Variants in NCAM2 observed in about 807,000 individuals in gnomAD.
NCAM2 encodes N-CAM-2.
A neutral mutation model predicts 98.1 loss-of-function variants in NCAM2; 30 were observed. The ratio of observed to expected loss-of-function variants is 0.31; its 90% CI spans 0.23 to 0.41. The LOEUF is 0.41. NCAM2 is among the 10% of genes least tolerant of loss of function. The pLI is 1.00. For synonymous variants in NCAM2, 368 were observed against 342.4 expected (o/e 1.07, Z -0.83); for missense variants, 867 against 1,005.8 (o/e 0.86, Z 1.87).
At chr21:21,535,663 A>G (rs775872588) in intron 17 of NCAM2, among the ~76,000 whole-genome samples, 1 of 152,136 alleles carries the variant, frequency 6.6e-6, no homozygotes, top group Non-Finnish European at 1.5e-5. Context: ...GATTATTACA[A>G]TGTAAATTCA....
At chr21:21,081,820 G>GA (rs1160756706) in intron 1 of NCAM2, among the ~76,000 whole-genome samples, 7 of 150,980 alleles carry the variant, frequency 4.6e-5, no homozygotes, top group African/African-American at 1.2e-4. Context: ...GAAAAAAAAA[G>GA]AAAAAAAAAT....
chr21:21,270,808 A>G (rs2072468801), intron 1 of NCAM2, among the ~76,000 whole-genome samples: 1 of 150,440 alleles, frequency 6.6e-6, no homozygotes. Flanking sequence ...AACCTATTTG[A>G]TTTTTTTTTC....
In NCAM2 at chr21:21,383,773, G is replaced by A. The variant is rs370320710; in HGVS notation, c.1195+9760G>A. Among the ~76,000 whole-genome samples the A allele has an allele frequency of 1.5e-3, 226 of 151,854 alleles. 2 individuals are homozygous for A. The highest frequency in any genetic ancestry group is 4.8e-3 in the African/African-American group (199 of 41,476). On this transcript the variant is annotated intron_variant, in intron 9 of 17. Transcript: ENST00000400546. ...CTAGTGTCTGGAACCAATAACCTAC[G>A]TGTTTTAGTTTCAGTTTTCAGCAGT...
chr21:21,409,921 CAGG>C (rs764655019), intron 9 of NCAM2, among the ~76,000 whole-genome samples: 69 of 152,144 alleles, frequency 4.5e-4, no homozygotes, highest in Non-Finnish European at 9.0e-4. Context: ...ATCACGAGGT[CAGG>C]AGATCGAGAC....
chr21:21,417,851 A>C (rs1801307155), intron 10 of NCAM2, among the ~76,000 whole-genome samples: 1 of 152,066 alleles, frequency 6.6e-6, no homozygotes, highest in Admixed American at 6.5e-5. Context: ...TGTTGCAAAG[A>C]GTAACATTTT....
At chr21:21,492,523 A>G (rs147892959) in intron 15 of NCAM2, among the ~76,000 whole-genome samples, 19 of 152,064 alleles carry the variant, frequency 1.2e-4, no homozygotes, top group East Asian at 7.7e-4. Flanking sequence ...TTAAATGAAT[A>G]TCAAATTAAA....
intron 1 of NCAM2, among the ~76,000 whole-genome samples, chr21:21,189,922 G>C (rs1030656648): frequency 6.6e-6 from 1 of 152,178 alleles, no homozygotes; most frequent in Non-Finnish European, 1.5e-5. Context: ...CCGTCAAGTG[G>C]TGTCTGCCTA....
At chr21:21,158,564 C>T (rs987379900) in intron 1 of NCAM2, among the ~76,000 whole-genome samples, 2 of 151,246 alleles carry the variant, frequency 1.3e-5, no homozygotes, top group African/African-American at 4.9e-5. Flanking sequence ...GAGATCGCAC[C>T]ACTGCTTTCC....
intron 1 of NCAM2, among the ~76,000 whole-genome samples, chr21:21,181,284 T>C (rs1249910540): frequency 6.6e-6 from 1 of 152,156 alleles, no homozygotes. Flanking sequence ...ATATATTTAA[T>C]AGTTTCCTCT....
chr21:21,339,811 T>G (rs2147881201), intron 8 of NCAM2, among the ~76,000 whole-genome samples: 1 of 152,056 alleles, frequency 6.6e-6, no homozygotes, highest in African/African-American at 2.4e-5. Flanking sequence ...ATTACTTTCC[T>G]TTTGAAAGAC....
chr21:21,275,727 T>C (rs2072704921), intron 1 of NCAM2, among the ~76,000 whole-genome samples: 1 of 152,160 alleles, frequency 6.6e-6, no homozygotes, highest in African/African-American at 2.4e-5. Context: ...TTACATCTAT[T>C]CTCTACCTTT....
intron 1 of NCAM2, among the ~76,000 whole-genome samples, chr21:21,195,739 G>T (rs1034993316): frequency 6.6e-6 from 1 of 152,162 alleles, no homozygotes; most frequent in Non-Finnish European, 1.5e-5. Context: ...TTGACAGCAT[G>T]TGCGATACTC....
chr21:21,066,639 A>T (rs1162807454), intron 1 of NCAM2, among the ~76,000 whole-genome samples: 3 of 152,120 alleles, frequency 2.0e-5, no homozygotes, highest in Non-Finnish European at 4.4e-5. Context: ...TTTTCCAATG[A>T]TGTATTTTAG....
At chr21:21,171,566 T>G (rs1601559287) in intron 1 of NCAM2, among the ~76,000 whole-genome samples, 3 of 152,200 alleles carry the variant, frequency 2.0e-5, no homozygotes, top group African/African-American at 7.2e-5. Flanking sequence ...GTTCCCACTT[T>G]GCTGTGTTGT....
At chr21:21,007,585 G>C (rs2064134885) in intron 1 of NCAM2, among the ~76,000 whole-genome samples, 1 of 152,106 alleles carries the variant, frequency 6.6e-6, no homozygotes, top group Non-Finnish European at 1.5e-5. Flanking sequence ...CTTTTTAGAT[G>C]ATATAAGGTA....
chr21:21,472,303 A>T (rs1482482215), intron 14 of NCAM2, among the ~76,000 whole-genome samples: 1 of 152,054 alleles, frequency 6.6e-6, no homozygotes, highest in East Asian at 1.9e-4. Flanking sequence ...ACGAGGTTGT[A>T]CACTATCTCA....
At chr21:20,998,895 T>TC (rs1248497087) in intron 1 of NCAM2, among the ~76,000 whole-genome samples, 1 of 152,114 alleles carries the variant, frequency 6.6e-6, no homozygotes, top group African/African-American at 2.4e-5. Flanking sequence ...TCTTTTTTTT[T>TC]CCTCTGGGAT....
In NCAM2 at chr21:21,493,943, A is replaced by G. The variant is rs144777669; in HGVS notation, c.2078-14908A>G. On this transcript the variant is annotated intron_variant, in intron 15 of 17. Transcript: ENST00000400546. ...GCATTATATAATAATAGACGTTTAT[A>G]AACCCTACATGCTTAAAATATGTAG... Among the ~76,000 whole-genome samples the G allele has an allele frequency of 1.8e-4, 28 of 152,120 alleles. No individual in the cohort carries two copies. In the East Asian group the frequency reaches 5.2e-3, roughly 28 times the overall value.
chr21:21,060,399 C>T (rs1296093206), intron 1 of NCAM2, among the ~76,000 whole-genome samples: 1 of 152,016 alleles, frequency 6.6e-6, no homozygotes, highest in Non-Finnish European at 1.5e-5. Context: ...CTTCCAGATT[C>T]TGGTAGATAT....
Sources: allele counts gnomAD v4.1 joint callset (sites outside exome capture counted in the v4.1 genomes callset), GRCh38; gene constraint gnomAD v4.1.1; transcripts MANE v1.5; gene names NCBI Gene and HGNC (gene_info 2026-07-23, HGNC 2026-07-21).